NRCAM: variants seen among roughly 807,000 people sequenced by gnomAD.
NRCAM encodes the protein NgCAM-related cell adhesion molecule.
A neutral mutation model predicts 156.5 loss-of-function variants in NRCAM; 83 were observed. That is an observed-to-expected ratio of 0.53 (90% CI 0.44 to 0.64). The LOEUF is 0.64. Among genes scored for constraint, NRCAM ranks in the 30% least tolerant of loss-of-function variants. The pLI is 0.00. For missense variants in NRCAM, 1,417 were observed against 1,597.3 expected, an observed-to-expected ratio of 0.89 and a Z score of 1.92; for synonymous variants, 538 against 563.9, an observed-to-expected ratio of 0.95 and a Z score of 0.65.
intron 32 of NRCAM, among the ~76,000 whole-genome samples, chr7:108,155,453 T>C (rs1418051109): frequency 6.6e-6 from 1 of 152,058 alleles, no homozygotes; most frequent in Non-Finnish European, 1.5e-5. Context: ...TCAGGATCAT[T>C]GTGCAGTGGA....
intron 3 of NRCAM, among the ~76,000 whole-genome samples, chr7:108,273,355 G>C (rs1166887126): frequency 6.6e-6 from 1 of 152,024 alleles, no homozygotes; most frequent in Non-Finnish European, 1.5e-5. Context: ...CTAGTTTACA[G>C]TCCCACCAAC....
intron 1 of NRCAM, among the ~76,000 whole-genome samples, chr7:108,404,991 G>A (rs946790721): frequency 1.3e-5 from 2 of 152,236 alleles, no homozygotes; most frequent in African/African-American, 4.8e-5. Context: ...AGAAGGAAAT[G>A]TGATTTTTTC....
Position 108,175,331 on chromosome 7 carries a change from C to T in NRCAM, c.3178G>A (p.Ala1060Thr). ...EAGILPPDVG[A>T]GKVQAVNPRI... The stretch of plus-strand genomic sequence containing the variant: ...AGATGAATTATTTTACCTTTGCCTG[C>T]ACCTACATCAGGTGGAAGAATACCA... Residue 1060 changes from alanine (A) to threonine (T), a missense_variant, in exon 28 of 33, where the codon GCA becomes ACA. Ala to Thr is a moderately conservative substitution (Grantham distance 58). Transcript: ENST00000379028. 6.4e-7 allele frequency: 1 copy of T among 1,560,062 alleles called. No homozygotes were observed. Among genetic ancestry groups the T allele is most frequent in the Non-Finnish European group, 8.7e-7 (1 of 1,151,126 alleles).
At chr7:108,398,337 C>T (rs1216258759) in intron 2 of NRCAM, among the ~76,000 whole-genome samples, 2 of 152,126 alleles carry the variant, frequency 1.3e-5, no homozygotes, top group African/African-American at 4.8e-5. Flanking sequence ...TTTCAAATTC[C>T]CCTTTCTTTC....
intron 20 of NRCAM, among the ~76,000 whole-genome samples, chr7:108,188,428 T>C (rs1278378531): frequency 6.6e-6 from 1 of 152,044 alleles, no homozygotes; most frequent in African/African-American, 2.4e-5. Flanking sequence ...CATGCAGATA[T>C]AATGAAATTA....
At chr7:108,350,246 G>A (rs1341450540) in intron 2 of NRCAM, among the ~76,000 whole-genome samples, 1 of 152,156 alleles carries the variant, frequency 6.6e-6, no homozygotes, top group Non-Finnish European at 1.5e-5. Context: ...TAAACTCACT[G>A]TTCAACCATC....
rs140652047 is a variant in NRCAM, at chr7:108,324,638, G to A, written c.-173-11907C>T. 5.4e-3 allele frequency among the ~76,000 whole-genome samples: 829 copies of A among 152,228 alleles called. 2 individuals are homozygous for A. Among genetic ancestry groups the A allele is most frequent in the South Asian group, 9.9e-3 (48 of 4,826 alleles). The stretch of plus-strand genomic sequence containing the variant: ...CACATGGAAGCCTCCCTGTCCAGTC[G>A]GGGGCTGGGTGGTAAGGAGGAGCAG... On this transcript the variant is annotated intron_variant, in intron 2 of 32. Coordinates refer to ENST00000379028, the MANE Select transcript of NRCAM (RefSeq NM_001037132.4).
intron 2 of NRCAM, among the ~76,000 whole-genome samples, chr7:108,396,455 A>G (rs955306313): frequency 6.6e-6 from 1 of 152,212 alleles, no homozygotes; most frequent in Non-Finnish European, 1.5e-5. Context: ...CCATAAATTC[A>G]TCCTCTACAC....
chr7:108,248,926 C>T (rs2096151705), intron 3 of NRCAM, among the ~76,000 whole-genome samples: 2 of 151,888 alleles, frequency 1.3e-5, no homozygotes, highest in African/African-American at 4.8e-5. Context: ...GGATGGCCAT[C>T]TTATTGTTTC....
At chr7:108,177,321 G>C (rs1047334993) in intron 26 of NRCAM, among the ~76,000 whole-genome samples, 1 of 152,018 alleles carries the variant, frequency 6.6e-6, no homozygotes, top group Non-Finnish European at 1.5e-5. Flanking sequence ...GGCGAGATAG[G>C]GAGATATCAG....
intron 32 of NRCAM, among the ~76,000 whole-genome samples, chr7:108,157,333 T>G (rs2046116482): frequency 6.6e-6 from 1 of 152,044 alleles, no homozygotes; most frequent in African/African-American, 2.4e-5. Context: ...ACATATAAAT[T>G]AACACTAAGA....
chr7:108,262,469 G>A (rs1190777502), intron 3 of NRCAM, among the ~76,000 whole-genome samples: 16 of 152,104 alleles, frequency 1.1e-4, no homozygotes, highest in Non-Finnish European at 1.5e-5. Flanking sequence ...GATTTAGAGA[G>A]GCCAGATAAC....
At chr7:108,245,297 G>A (rs559926786) in intron 3 of NRCAM, among the ~76,000 whole-genome samples, 91 of 151,918 alleles carry the variant, frequency 6.0e-4, no homozygotes, top group African/African-American at 2.1e-3. Flanking sequence ...TAGTCAATAA[G>A]CAAACAGAAT....
intron 31 of NRCAM, among the ~76,000 whole-genome samples, chr7:108,159,785 T>C (rs2047734734): frequency 6.6e-6 from 1 of 151,860 alleles, no homozygotes; most frequent in African/African-American, 2.4e-5. Context: ...ATAAATAATT[T>C]TTAAGTTTCT....
intron 2 of NRCAM, among the ~76,000 whole-genome samples, chr7:108,360,838 C>G (rs1241637428): frequency 6.6e-6 from 1 of 152,164 alleles, no homozygotes; most frequent in Admixed American, 6.5e-5. Flanking sequence ...CATACAAAAA[C>G]TAACTCAAAC....
At chr7:108,230,981 A>G (rs747666551) in intron 8 of NRCAM, 50 bp downstream of exon 8, 4 of 1,451,164 alleles carry the variant, frequency 2.8e-6, no homozygotes, top group Non-Finnish European at 3.8e-6. Context: ...TATGACTGTA[A>G]ACAATCCTAA....
intron 2 of NRCAM, among the ~76,000 whole-genome samples, chr7:108,376,532 T>C (rs1056153949): frequency 2.0e-5 from 3 of 152,154 alleles, no homozygotes; most frequent in African/African-American, 7.2e-5. Context: ...TGTAAGGGGT[T>C]ACAGCAGAGG....
intron 2 of NRCAM, among the ~76,000 whole-genome samples, chr7:108,341,338 C>T (rs181343034): frequency 1.2e-3 from 190 of 152,322 alleles, no homozygotes; most frequent in East Asian, 3.5e-3. Flanking sequence ...GACACTGGCT[C>T]GGCCTTCTCA....
At chr7:108,193,059 G>C (rs1406496085) in intron 17 of NRCAM, among the ~76,000 whole-genome samples, 1 of 152,130 alleles carries the variant, frequency 6.6e-6, no homozygotes, top group Non-Finnish European at 1.5e-5. Context: ...GTCTCACTCT[G>C]TCACCCAGGC....
Sources: gnomAD v4.1 joint callset for allele counts (sites outside exome capture counted in the v4.1 genomes callset) on GRCh38, gnomAD v4.1.1 for gene constraint, MANE v1.5 for transcripts, NCBI Gene and HGNC (gene_info 2026-07-23, HGNC 2026-07-21) for gene names.